Variants in GRIA4 observed in about 807,000 individuals in gnomAD.
GRIA4 encodes glutamate ionotropic receptor AMPA type subunit 4.
Under a neutral mutation model 104.0 loss-of-function variants are expected in GRIA4, and 34 were observed. The ratio of observed to expected loss-of-function variants is 0.33; its 90% CI spans 0.25 to 0.44. The LOEUF (loss-of-function observed/expected upper bound fraction) is 0.44. GRIA4 is among the 20% of genes least tolerant of loss of function. The pLI, the probability that GRIA4 is intolerant of heterozygous loss-of-function variation, is 1.00. For missense variants in GRIA4, 750 were observed against 1,096.5 expected (o/e 0.68, Z 4.46); for synonymous variants, 386 against 381.9 (o/e 1.01, Z -0.13).
At chr11:105,649,182 A>C (rs898720377) in intron 3 of GRIA4, among the ~76,000 whole-genome samples, 1 of 152,206 alleles carries the variant, frequency 6.6e-6, no homozygotes, top group African/African-American at 2.4e-5. Flanking sequence ...AAACCATAAG[A>C]TATCTTAGGA....
intron 3 of GRIA4, among the ~76,000 whole-genome samples, chr11:105,669,044 A>C (rs1286455720): frequency 6.6e-6 from 1 of 151,948 alleles, no homozygotes; most frequent in Non-Finnish European, 1.5e-5. Context: ...CATACCTTTC[A>C]GCAGTGTGTG....
At chr11:105,778,891 C>T (rs1169315736) in intron 4 of GRIA4, among the ~76,000 whole-genome samples, 2 of 149,928 alleles carry the variant, frequency 1.3e-5, no homozygotes, top group South Asian at 2.1e-4. Flanking sequence ...CCCATTAACT[C>T]GTCATTTAAC....
chr11:105,872,172 G>A (rs1945641075), intron 5 of GRIA4, among the ~76,000 whole-genome samples: 1 of 152,030 alleles, frequency 6.6e-6, no homozygotes, highest in African/African-American at 2.4e-5. Flanking sequence ...TTAACCTAGT[G>A]TTCTTTGTAA....
intron 3 of GRIA4, among the ~76,000 whole-genome samples, chr11:105,729,823 A>G (rs375644062): frequency 2.6e-5 from 4 of 152,350 alleles, no homozygotes; most frequent in East Asian, 1.9e-4. Context: ...TCATGCTAAA[A>G]ACACTCAATA....
At chr11:105,678,440 G>A (rs1952608811) in intron 3 of GRIA4, among the ~76,000 whole-genome samples, 1 of 152,008 alleles carries the variant, frequency 6.6e-6, no homozygotes, top group Non-Finnish European at 1.5e-5. Context: ...CTTTAATTCT[G>A]TTTTTAATTG....
Position 105,979,627 on chromosome 11 carries a change from G to T in GRIA4, c.2597G>T (p.Ser866Ile). Residue 866 changes from serine to isoleucine, a missense_variant, in exon 17 of 17, where the codon AGT becomes ATT. This residue lies in a region of GRIA4 where 68 missense variants were observed against 69.3 expected (regional missense o/e 0.98). Coordinates refer to ENST00000282499, the MANE Select transcript of GRIA4 (RefSeq NM_000829.4). ...AAAGCCAGATTATCCATCACTGGGA[G>T]TGTGGGAGAGAATGGCCGCGTCTTG... ...RNKARLSITG[S>I]VGENGRVLTP... 1 of 1,613,972 alleles carries T rather than the reference G, an allele frequency of 6.2e-7. No individual in the cohort carries two copies. The highest frequency in any genetic ancestry group is 8.5e-7 in the Non-Finnish European group (1 of 1,179,792).
At chr11:105,627,316 T>G (rs1950911999) in intron 3 of GRIA4, among the ~76,000 whole-genome samples, 1 of 149,862 alleles carries the variant, frequency 6.7e-6, no homozygotes, top group Non-Finnish European at 1.5e-5. Context: ...GGTGGTGGAG[T>G]GGAGGGGTTG....
chr11:105,622,228 T>C (rs1448610299), intron 3 of GRIA4, among the ~76,000 whole-genome samples: 1 of 151,836 alleles, frequency 6.6e-6, no homozygotes, highest in African/African-American at 2.4e-5. Flanking sequence ...AAGGCATTCC[T>C]AGCCTTACAA....
Position 105,891,805 on chromosome 11 carries a change from C to T in GRIA4, c.726+4233C>T, listed in dbSNP as rs190016434. On this transcript the variant is annotated intron_variant, in intron 6 of 16. Coordinates refer to ENST00000282499, the MANE Select transcript of GRIA4 (RefSeq NM_000829.4). ...GTAACAGGTACTGTCCAACATCCCA[C>T]GGCACAACTGCAAATAAAACACTGC... Among the ~76,000 whole-genome samples, 121 of 152,204 alleles carry T rather than the reference C, an allele frequency of 7.9e-4. 1 individual carries two copies. The highest frequency in any genetic ancestry group is 1.1e-3 in the Non-Finnish European group (72 of 67,990).
chr11:105,757,153 T>G (rs565505003), intron 4 of GRIA4, among the ~76,000 whole-genome samples: 1 of 152,116 alleles, frequency 6.6e-6, no homozygotes, highest in Non-Finnish European at 1.5e-5. Flanking sequence ...TAAACCAGAT[T>G]CCACAGGCTG....
At chr11:105,721,945 T>C (rs1401122254) in intron 3 of GRIA4, among the ~76,000 whole-genome samples, 1 of 152,134 alleles carries the variant, frequency 6.6e-6, no homozygotes, top group Non-Finnish European at 1.5e-5. Context: ...TAAATGTCAA[T>C]TGCAGTAAAT....
In GRIA4 at chr11:105,971,916, C is replaced by A; in HGVS notation, c.2297C>A (p.Thr766Asn). Reference sequence around the variant, plus strand: ...TTTATGTTATTTTCCACGTGAAGAACTCCTGTAAACCTTGCCGTTTTGAAA... The same window carrying A: ...TTTATGTTATTTTCCACGTGAAGAAATCCTGTAAACCTTGCCGTTTTGAAA... ...VATPKGSSLR[T>N]PVNLAVLKLS... The change falls in exon 15 of 17, where the codon ACT becomes AAT. Residue 766 changes from threonine to asparagine, a missense_variant and splice_region_variant. By Grantham distance (65) the Thr-to-Asn change is moderately conservative. Transcript: ENST00000282499. The A allele has an allele frequency of 2.5e-6, 4 of 1,578,670 alleles. No homozygotes were observed. Among genetic ancestry groups the A allele is most frequent in the Non-Finnish European group, 3.5e-6 (4 of 1,148,672 alleles).
intron 6 of GRIA4, among the ~76,000 whole-genome samples, 168 bp from the exon 7 acceptor site, chr11:105,898,101 A>T (rs1210034768): frequency 6.6e-6 from 1 of 152,192 alleles, no homozygotes; most frequent in Non-Finnish European, 1.5e-5. Flanking sequence ...TAACAGCTAA[A>T]TAGACATAAT....
chr11:105,804,144 A>G (rs1332643250), intron 4 of GRIA4, among the ~76,000 whole-genome samples: 2 of 151,906 alleles, frequency 1.3e-5, no homozygotes, highest in South Asian at 2.1e-4. Context: ...CATTTATATT[A>G]CAAACAGAAA....
intron 3 of GRIA4, among the ~76,000 whole-genome samples, chr11:105,700,427 C>G (rs1387880828): frequency 6.6e-6 from 1 of 152,154 alleles, no homozygotes; most frequent in Non-Finnish European, 1.5e-5. Context: ...ATTAGTAGTT[C>G]CAATCCCATG....
intron 1 of GRIA4, 26 bp from the exon 2 acceptor site, chr11:105,610,882 T>TTTTTGG (rs2135234878): frequency 5.3e-5 from 25 of 471,836 alleles, no homozygotes; most frequent in South Asian, 2.3e-4. Context: ...TTTTTTTTTT[T>TTTTTGG]TTTTTTTGGT....
At chr11:105,938,148 T>C (rs1414907233) in intron 14 of GRIA4, among the ~76,000 whole-genome samples, 1 of 152,208 alleles carries the variant, frequency 6.6e-6, no homozygotes, top group Non-Finnish European at 1.5e-5. Flanking sequence ...CTTTAGAGAA[T>C]TTGCTGGGGC....
At chr11:105,737,808 A>G (rs1004326315) in intron 3 of GRIA4, among the ~76,000 whole-genome samples, 2 of 152,198 alleles carry the variant, frequency 1.3e-5, no homozygotes, top group African/African-American at 4.8e-5. Flanking sequence ...AAGCAGATGT[A>G]GGTTACAAAA....
At chr11:105,630,352 C>A (rs1024580852) in intron 3 of GRIA4, among the ~76,000 whole-genome samples, 7 of 149,184 alleles carry the variant, frequency 4.7e-5, no homozygotes, top group Admixed American at 2.1e-4. Flanking sequence ...GATCATGAGG[C>A]CAGGAGTTCA....
Sources: allele counts gnomAD v4.1 joint callset (sites outside exome capture counted in the v4.1 genomes callset), GRCh38; gene constraint gnomAD v4.1.1; regional missense constraint gnomAD v4.1.1; transcripts MANE v1.5; gene names NCBI Gene and HGNC (gene_info 2026-07-23, HGNC 2026-07-21).